Variants in ANTXR1 observed in about 807,000 individuals in gnomAD.
ANTXR1 encodes ANTXR cell adhesion molecule 1.
ANTXR1 carries 19 observed loss-of-function variants against 78.1 expected under a neutral mutation model. The observed-to-expected ratio is 0.24, with a 90% CI of 0.17 to 0.36. ANTXR1 has a LOEUF of 0.36. Among genes scored for constraint, ANTXR1 ranks in the 10% least tolerant of loss-of-function variants. ANTXR1 has a pLI of 1.00. For synonymous variants in ANTXR1, 273 were observed against 260.5 expected, an observed-to-expected ratio of 1.05 and a Z score of -0.46; for missense variants, 518 against 718.6, an observed-to-expected ratio of 0.72 and a Z score of 3.19.
chr2:69,137,800 A>C (rs889561169), intron 12 of ANTXR1, among the ~76,000 whole-genome samples: 6 of 151,428 alleles, frequency 4.0e-5, no homozygotes, highest in African/African-American at 9.7e-5. Flanking sequence ...AAAAAAAAAA[A>C]AACAGTGGGC....
chr2:69,187,728 C>T (rs1045257216), intron 16 of ANTXR1, among the ~76,000 whole-genome samples: 14 of 151,278 alleles, frequency 9.3e-5, no homozygotes, highest in Non-Finnish European at 1.9e-4. Context: ...GCTGGGACTA[C>T]AGGCGGGTGC....
chr2:69,056,973 C>G (rs979391652), intron 3 of ANTXR1, among the ~76,000 whole-genome samples: 2 of 152,170 alleles, frequency 1.3e-5, no homozygotes, highest in Admixed American at 6.5e-5. Flanking sequence ...GCCACCACAA[C>G]CAGCCGAAAC....
chr2:69,200,794 T>A (rs1286659206), intron 17 of ANTXR1, among the ~76,000 whole-genome samples: 1 of 152,202 alleles, frequency 6.6e-6, no homozygotes, highest in African/African-American at 2.4e-5. Flanking sequence ...GAGAGTGTCA[T>A]GCACTGTATG....
chr2:69,087,012 G>A (rs1368936147), intron 8 of ANTXR1, among the ~76,000 whole-genome samples: 3 of 152,030 alleles, frequency 2.0e-5, no homozygotes, highest in Admixed American at 6.6e-5. Context: ...ATATCTCTGC[G>A]TTCATGACTG....
At chr2:69,141,453 G>A (rs1203694143) in intron 12 of ANTXR1, among the ~76,000 whole-genome samples, 2 of 152,178 alleles carry the variant, frequency 1.3e-5, no homozygotes, top group Non-Finnish European at 2.9e-5. Flanking sequence ...TTAGGTTTCA[G>A]GGGCAAGAGC....
At chr2:69,138,096 A>G (rs1172553461) in intron 12 of ANTXR1, among the ~76,000 whole-genome samples, 9 of 137,430 alleles carry the variant, frequency 6.5e-5, no homozygotes, top group African/African-American at 2.7e-4. Flanking sequence ...AAAAAAAAAG[A>G]AAAAAAAAAA....
intron 17 of ANTXR1, among the ~76,000 whole-genome samples, chr2:69,207,293 A>AT (rs1258749656): frequency 1.3e-5 from 2 of 152,112 alleles, no homozygotes; most frequent in African/African-American, 2.4e-5. Flanking sequence ...CCTAAGTTTG[A>AT]TTTTTTTATG....
At chr2:69,069,745 T>C (rs1268981222) in intron 3 of ANTXR1, among the ~76,000 whole-genome samples, 3 of 152,236 alleles carry the variant, frequency 2.0e-5, no homozygotes, top group African/African-American at 7.2e-5. Context: ...ACCTTGTATA[T>C]AGCGGATGCT....
intron 1 of ANTXR1, among the ~76,000 whole-genome samples, chr2:69,014,661 A>G (rs1180361271): frequency 6.6e-6 from 1 of 152,140 alleles, no homozygotes; most frequent in Non-Finnish European, 1.5e-5. Context: ...GCTCATTAAA[A>G]CTGAGTGAGC....
At chr2:69,138,904 G>A (rs1672993262) in intron 12 of ANTXR1, among the ~76,000 whole-genome samples, 1 of 152,116 alleles carries the variant, frequency 6.6e-6, no homozygotes, top group Admixed American at 6.5e-5. Flanking sequence ...CCAAATTTAT[G>A]GACTTAGAAT....
At position 69,077,380 on chromosome 2, in the gene ANTXR1, T is replaced by C. The variant is rs1199763097; in HGVS notation, c.562-28T>C. 9.9e-6 allele frequency: 16 copies of C among 1,610,846 alleles called. 1 individual carries two copies. The East Asian group carries it at 1.1e-4, about 11-fold the overall frequency. ...ACATCCAAGCCTAACAGTCTCCCCATGTGTTTGTGTATTTGCTGTGTTCTC... is the reference window on the plus strand; with the variant it reads ...ACATCCAAGCCTAACAGTCTCCCCACGTGTTTGTGTATTTGCTGTGTTCTC... On this transcript the variant is annotated intron_variant, in intron 7 of 17. Transcript: ENST00000303714.
intron 3 of ANTXR1, among the ~76,000 whole-genome samples, chr2:69,065,550 C>T (rs1670374025): frequency 6.7e-6 from 1 of 150,168 alleles, no homozygotes; most frequent in African/African-American, 2.5e-5. Flanking sequence ...ATATTATAAA[C>T]AATTTTATAG....
At chr2:69,040,863 A>G (rs1418873267) in intron 2 of ANTXR1, among the ~76,000 whole-genome samples, 2 of 152,182 alleles carry the variant, frequency 1.3e-5, no homozygotes, top group Non-Finnish European at 2.9e-5. Context: ...GCTCCACTTC[A>G]TGCTGATGGC....
chr2:69,166,926 G>A (rs555835855), intron 13 of ANTXR1, among the ~76,000 whole-genome samples: 2 of 152,222 alleles, frequency 1.3e-5, no homozygotes, highest in Non-Finnish European at 2.9e-5. Context: ...AAACAAACAT[G>A]ATGGGAGCCC....
intron 10 of ANTXR1, among the ~76,000 whole-genome samples, chr2:69,115,929 G>A (rs766184047): frequency 6.6e-6 from 1 of 152,170 alleles, no homozygotes; most frequent in Non-Finnish European, 1.5e-5. Context: ...CAAGATAAGA[G>A]GACATTACAG....
intron 16 of ANTXR1, among the ~76,000 whole-genome samples, chr2:69,183,270 G>A (rs1429110259): frequency 6.6e-6 from 1 of 152,016 alleles, no homozygotes; most frequent in Non-Finnish European, 1.5e-5. Context: ...ACTCTTTCTG[G>A]TTGTAAGCAA....
At chr2:69,138,275 A>G (rs1451912485) in intron 12 of ANTXR1, among the ~76,000 whole-genome samples, 1 of 151,912 alleles carries the variant, frequency 6.6e-6, no homozygotes, top group Non-Finnish European at 1.5e-5. Flanking sequence ...ATAATTGTCA[A>G]CTCTTTAAAT....
At chr2:69,083,776 A>C (rs1670964886) in intron 8 of ANTXR1, among the ~76,000 whole-genome samples, 1 of 152,154 alleles carries the variant, frequency 6.6e-6, no homozygotes, top group African/African-American at 2.4e-5. Flanking sequence ...CTCTCTTCCA[A>C]GATTGCATCT....
chr2:69,155,083 G>A (rs1673488790), intron 13 of ANTXR1, among the ~76,000 whole-genome samples: 1 of 152,176 alleles, frequency 6.6e-6, no homozygotes, highest in South Asian at 2.1e-4. Flanking sequence ...GACAGATGAT[G>A]CCTACCCACT....
Sources: gnomAD v4.1 joint callset for allele counts (sites outside exome capture counted in the v4.1 genomes callset) on GRCh38, gnomAD v4.1.1 for gene constraint, MANE v1.5 for transcripts, NCBI Gene and HGNC (gene_info 2026-07-23, HGNC 2026-07-21) for gene names.